PTPRJ: variants seen among roughly 807,000 people sequenced by gnomAD.
PTPRJ encodes receptor-type tyrosine-protein phosphatase eta.
In PTPRJ, 129 loss-of-function variants were observed where a neutral mutation model predicts 141.3. That is an observed-to-expected ratio of 0.91 (90% CI 0.79 to 1.06). The LOEUF (loss-of-function observed/expected upper bound fraction) is 1.06. PTPRJ is among the 50% of genes least tolerant of loss of function. The probability of loss-of-function intolerance (pLI) is 0.00; values close to 1 mark genes in which losing one functional copy is unlikely to be tolerated. For synonymous variants in PTPRJ, 610 were observed against 640.5 expected, an observed-to-expected ratio of 0.95 and a Z score of 0.72; for missense variants, 1,601 against 1,679.7, an observed-to-expected ratio of 0.95 and a Z score of 0.82.
intron 1 of PTPRJ, among the ~76,000 whole-genome samples, chr11:48,098,582 G>A (rs1337541135): frequency 6.5e-5 from 1 of 15,456 alleles, no homozygotes; most frequent in African/African-American, 9.5e-5. Context: ...GTGCAGTGGC[G>A]CGATCTCGAC....
chr11:48,124,161 C>G lies in PTPRJ; in HGVS notation c.874+291C>G, dbSNP rs561479968. ...TTAGCTTTCTATCTAACAGCTGTGT[C>G]AACCCAAGTTGGGCCTTCAGAGGAA... On this transcript the variant is annotated intron_variant, in intron 5 of 24. Transcript: ENST00000418331. Among the ~76,000 whole-genome samples, 22 of 152,318 alleles carry G rather than the reference C, an allele frequency of 1.4e-4. No individual in the cohort carries two copies. In the East Asian group the frequency reaches 2.7e-3, roughly 19 times the overall value.
intron 1 of PTPRJ, among the ~76,000 whole-genome samples, chr11:48,092,676 C>T (rs1420852565): frequency 1.3e-5 from 2 of 152,152 alleles, no homozygotes; most frequent in African/African-American, 4.8e-5. Flanking sequence ...GTGATCCACC[C>T]ACCTCAGCCT....
chr11:47,983,339 T>C (rs1275818102), intron 1 of PTPRJ, among the ~76,000 whole-genome samples: 1 of 152,268 alleles, frequency 6.6e-6, no homozygotes, highest in Non-Finnish European at 1.5e-5. Context: ...AGTATGTGAC[T>C]ACCTTCCTAA....
chr11:48,134,260 C>A (rs546282858), intron 8 of PTPRJ, among the ~76,000 whole-genome samples: 42 of 152,258 alleles, frequency 2.8e-4, no homozygotes, highest in Admixed American at 7.2e-4. Context: ...ATTTGAATTT[C>A]TTTTTACTCA....
intron 16 of PTPRJ, 30 bp from the exon 17 acceptor site, chr11:48,149,960 A>G (rs774642607): frequency 7.0e-6 from 10 of 1,424,038 alleles, no homozygotes; most frequent in Admixed American, 5.7e-5. Context: ...TTCTAATTGC[A>G]TATTTTTTCT....
At chr11:48,092,548 G>C (rs1855899021) in intron 1 of PTPRJ, among the ~76,000 whole-genome samples, 1 of 151,720 alleles carries the variant, frequency 6.6e-6, no homozygotes, top group Non-Finnish European at 1.5e-5. Context: ...TCTTGCTTCA[G>C]CCTCCCAAGG....
chr11:48,124,185 A>T (rs1856780943), intron 5 of PTPRJ, among the ~76,000 whole-genome samples: 1 of 152,182 alleles, frequency 6.6e-6, no homozygotes, highest in Non-Finnish European at 1.5e-5. Flanking sequence ...CCTTCAGAGG[A>T]ACTTATCACG....
intron 1 of PTPRJ, among the ~76,000 whole-genome samples, chr11:47,991,930 T>C (rs145469467): frequency 6.6e-6 from 1 of 152,338 alleles, no homozygotes; most frequent in East Asian, 1.9e-4. Flanking sequence ...TATTATCTTA[T>C]TGTGCTGAGA....
intron 3 of PTPRJ, 71 bp from the exon 4 acceptor site, chr11:48,120,932 T>TA (rs1485177985): frequency 1.5e-6 from 2 of 1,363,290 alleles, no homozygotes. Flanking sequence ...AAACTAGACA[T>TA]ATAGAGCAGA....
At chr11:47,986,520 A>AT (rs1449069582) in intron 1 of PTPRJ, among the ~76,000 whole-genome samples, 4 of 151,916 alleles carry the variant, frequency 2.6e-5, no homozygotes, top group Non-Finnish European at 5.9e-5. Context: ...TCATATGACA[A>AT]TTTTTTCTTT....
chr11:48,156,207 C>A (rs1439392757), intron 21 of PTPRJ, 88 bp downstream of exon 21: 4 of 1,234,028 alleles, frequency 3.2e-6, no homozygotes, highest in Middle Eastern at 2.4e-4. Flanking sequence ...CCATTTGTTT[C>A]TTTAAAAAAA....
At chr11:48,101,617 G>A (rs1251012534) in intron 1 of PTPRJ, among the ~76,000 whole-genome samples, 1 of 152,220 alleles carries the variant, frequency 6.6e-6, no homozygotes, top group Admixed American at 6.5e-5. Flanking sequence ...GTGGAGCCTG[G>A]GGAGCCAGGA....
chr11:48,150,694 A>G (rs569219038), intron 18 of PTPRJ, among the ~76,000 whole-genome samples: 1 of 152,308 alleles, frequency 6.6e-6, no homozygotes, highest in Non-Finnish European at 1.5e-5. Context: ...TGTGAGGCTC[A>G]CTTCTGAAGC....
At chr11:48,023,148 A>G (rs919464318) in intron 1 of PTPRJ, among the ~76,000 whole-genome samples, 7 of 151,650 alleles carry the variant, frequency 4.6e-5, no homozygotes, top group African/African-American at 1.7e-4. Flanking sequence ...TAAGAGTAAG[A>G]AAACAAGGAG....
At chr11:48,155,521 G>C (rs753531251) in intron 19 of PTPRJ, among the ~76,000 whole-genome samples, 5 of 152,184 alleles carry the variant, frequency 3.3e-5, no homozygotes, top group Non-Finnish European at 7.3e-5. Flanking sequence ...CATCTGGTGT[G>C]GTTAAGATCT....
At chr11:48,053,731 C>T (rs985212747) in intron 1 of PTPRJ, among the ~76,000 whole-genome samples, 3 of 149,912 alleles carry the variant, frequency 2.0e-5, no homozygotes, top group Non-Finnish European at 4.4e-5. Context: ...TGTGTGCCAC[C>T]ATGCCTGGAT....
chr11:48,026,035 G>A (rs772445565), intron 1 of PTPRJ, among the ~76,000 whole-genome samples: 6 of 152,118 alleles, frequency 3.9e-5, no homozygotes, highest in Admixed American at 1.3e-4. Flanking sequence ...CTACCCTCCC[G>A]ACTCTGTAAA....
At position 48,075,116 on chromosome 11, in the gene PTPRJ, A is replaced by C. The variant is rs116614897; in HGVS notation, c.97-34942A>C. On this transcript the variant is annotated intron_variant, in intron 1 of 24. Coordinates refer to ENST00000418331, the MANE Select transcript of PTPRJ (RefSeq NM_002843.4). ...GTCTTTGTTAACAACTAGCAGTTACATGCTAGCATTATTTATTTATTTAGT... is the reference window on the plus strand; with the variant it reads ...GTCTTTGTTAACAACTAGCAGTTACCTGCTAGCATTATTTATTTATTTAGT... Among the ~76,000 whole-genome samples the C allele has an allele frequency of 7.7e-3, 1,168 of 151,356 alleles. 17 individuals are homozygous for C. Among genetic ancestry groups the C allele is most frequent in the African/African-American group, 0.027 (1,111 of 40,736 alleles).
chr11:48,110,138 G>A (rs370029606), intron 2 of PTPRJ, 62 bp downstream of exon 2: 7 of 1,505,380 alleles, frequency 4.6e-6, no homozygotes, highest in Non-Finnish European at 6.4e-6. Context: ...TGGACACACA[G>A]CAACATTAAC....
Sources: gnomAD v4.1 joint callset for allele counts (sites outside exome capture counted in the v4.1 genomes callset) on GRCh38, gnomAD v4.1.1 for gene constraint, MANE v1.5 for transcripts, NCBI Gene and HGNC (gene_info 2026-07-23, HGNC 2026-07-21) for gene names.